Variants in STARD13 observed in about 807,000 individuals in gnomAD.
The protein encoded by STARD13 is stAR-related lipid transfer protein 13.
STARD13 carries 62 observed loss-of-function variants against 106.4 expected under a neutral mutation model. That is an observed-to-expected ratio of 0.58 (90% CI 0.48 to 0.72). The LOEUF (loss-of-function observed/expected upper bound fraction) is 0.72. STARD13 is among the 30% of genes least tolerant of loss of function. The pLI is 0.00. For missense variants in STARD13, 1,387 were observed against 1,424.0 expected (o/e 0.97, Z 0.42); for synonymous variants, 565 against 553.0 (o/e 1.02, Z -0.31).
chr13:33,414,988 T>A, the STARD13 span, among the ~76,000 whole-genome samples: 1 of 152,176 alleles, frequency 6.6e-6, no homozygotes, highest in Non-Finnish European at 1.5e-5. Context: ...CGCTTCCCTC[T>A]TTTTCTGTAA....
At chr13:33,264,504 A>G (rs1890798444) in intron 1 of STARD13, among the ~76,000 whole-genome samples, 1 of 152,188 alleles carries the variant, frequency 6.6e-6, no homozygotes, top group Non-Finnish European at 1.5e-5. Context: ...AGGGTCACGT[A>G]TTTCATCAGC....
At chr13:33,643,724 C>G in the STARD13 span, among the ~76,000 whole-genome samples, 1 of 152,258 alleles carries the variant, frequency 6.6e-6, no homozygotes, top group South Asian at 2.1e-4. Flanking sequence ...CCCAGCGCCT[C>G]TCTCACCTGG....
intron 1 of STARD13, chr13:33,186,183 A>T (rs979965570): frequency 1.3e-6 from 1 of 783,420 alleles, no homozygotes; most frequent in African/African-American, 1.8e-5. Flanking sequence ...TTTCATTCCC[A>T]TTAAAAAGGA....
chr13:33,309,329 G>T (rs1193379130), intron 1 of STARD13, among the ~76,000 whole-genome samples: 4 of 152,072 alleles, frequency 2.6e-5, no homozygotes, highest in African/African-American at 9.7e-5. Context: ...TATATCCAGG[G>T]CCCAGAGAAA....
At chr13:33,601,835 G>A in the STARD13 span, among the ~76,000 whole-genome samples, 3 of 152,188 alleles carry the variant, frequency 2.0e-5, no homozygotes, top group Admixed American at 6.5e-5. Context: ...GGAGGGCAGT[G>A]TTGTAGTGGG....
At chr13:33,554,632 GT>G in the STARD13 span, among the ~76,000 whole-genome samples, 2 of 152,138 alleles carry the variant, frequency 1.3e-5, no homozygotes, top group Non-Finnish European at 2.9e-5. Flanking sequence ...TTTTTTACGT[GT>G]TATAAATTGT....
At chr13:33,531,788 A>G in the STARD13 span, among the ~76,000 whole-genome samples, 3 of 152,172 alleles carry the variant, frequency 2.0e-5, no homozygotes, top group East Asian at 1.9e-4. Context: ...TCTCTAATCT[A>G]TTACATCTGT....
At chr13:33,519,513 C>T in the STARD13 span, among the ~76,000 whole-genome samples, 1 of 151,648 alleles carries the variant, frequency 6.6e-6, no homozygotes, top group Non-Finnish European at 1.5e-5. Flanking sequence ...ATCCACTGGC[C>T]TCCACCCTCC....
chr13:33,169,498 C>T (rs73467887), intron 1 of STARD13, among the ~76,000 whole-genome samples: 2,542 of 152,298 alleles, frequency 0.017, 73 homozygotes, highest in African/African-American at 0.055. Flanking sequence ...TTCCCGCTCC[C>T]ATATAATACA....
the STARD13 span, among the ~76,000 whole-genome samples, chr13:33,362,353 C>T: frequency 2.0e-5 from 3 of 152,116 alleles, no homozygotes; most frequent in Non-Finnish European, 4.4e-5. Context: ...ATGAGTGATC[C>T]GTCCCCGTGA....
At chr13:33,135,751 T>C (rs1878967432) in intron 4 of STARD13, among the ~76,000 whole-genome samples, 1 of 152,240 alleles carries the variant, frequency 6.6e-6, no homozygotes, top group African/African-American at 2.4e-5. Flanking sequence ...GAATTTTAGA[T>C]ATACATTATT....
chr13:33,333,711 T>C (rs1157735572), intron 1 of STARD13: 1 of 152,170 alleles, frequency 6.6e-6, no homozygotes, highest in Non-Finnish European at 1.5e-5. Context: ...AGTCACTGAG[T>C]CAGTTAGGCT....
the STARD13 span, among the ~76,000 whole-genome samples, chr13:33,503,896 C>T: frequency 1.6e-3 from 248 of 152,140 alleles, no homozygotes; most frequent in Middle Eastern, 6.8e-3. Context: ...AGAACTTAAA[C>T]AAATTTACAA....
At chr13:33,147,094 G>C (rs775198380) in intron 3 of STARD13, among the ~76,000 whole-genome samples, 1 of 152,216 alleles carries the variant, frequency 6.6e-6, no homozygotes, top group East Asian at 1.9e-4. Flanking sequence ...CTTATACCCA[G>C]GGTGTTTGTC....
chr13:33,133,667 A>AAAG (rs58044072), intron 4 of STARD13, among the ~76,000 whole-genome samples: 2 of 140,188 alleles, frequency 1.4e-5, no homozygotes, highest in African/African-American at 5.1e-5. Context: ...AAAAAAAAAA[A>AAAG]TTTATGCTTA....
chr13:33,303,898 A>C (rs994283293), intron 1 of STARD13, among the ~76,000 whole-genome samples: 1 of 152,182 alleles, frequency 6.6e-6, no homozygotes, highest in Admixed American at 6.5e-5. Context: ...GAGACTTCAA[A>C]TTCTATATTA....
the STARD13 span, among the ~76,000 whole-genome samples, chr13:33,472,129 C>T: frequency 6.6e-6 from 1 of 151,796 alleles, no homozygotes; most frequent in South Asian, 2.1e-4. Context: ...CATAACAAGT[C>T]TTTTTTATTT....
chr13:33,146,795 GT>G (rs1325960532), intron 3 of STARD13, among the ~76,000 whole-genome samples: 4 of 152,164 alleles, frequency 2.6e-5, no homozygotes, highest in Non-Finnish European at 5.9e-5. Flanking sequence ...AAGAAAAATG[GT>G]TAAACATATG....
the STARD13 span, among the ~76,000 whole-genome samples, chr13:33,566,567 CTT>C: frequency 6.8e-6 from 1 of 148,092 alleles, no homozygotes; most frequent in Admixed American, 7.0e-5. Context: ...ATTCTCTCAT[CTT>C]TTAAAGTTTT....
Sources: allele counts gnomAD v4.1 joint callset (sites outside exome capture counted in the v4.1 genomes callset), GRCh38; gene constraint gnomAD v4.1.1; transcripts MANE v1.5; gene names NCBI Gene and HGNC (gene_info 2026-07-23, HGNC 2026-07-21).